The following PLA2G5 variants were observed in gnomAD, a reference collection of about 807,000 sequenced individuals.
PLA2G5 encodes the protein phospholipase A2 group V, also known as Ca2+-dependent phospholipase A2.
In PLA2G5, 12 loss-of-function variants were observed where a neutral mutation model predicts 15.9. The observed-to-expected ratio is 0.76, with a 90% CI of 0.48 to 1.23. The LOEUF (loss-of-function observed/expected upper bound fraction) is 1.23, where lower values mean the gene tolerates loss of function less well. Ranked by LOEUF, PLA2G5 falls within the 50% of genes most tolerant of loss-of-function variation. The probability of loss-of-function intolerance (pLI) is 0.00; values close to 1 mark genes in which losing one functional copy is unlikely to be tolerated. For synonymous variants in PLA2G5, 71 were observed against 71.4 expected (o/e 0.99, Z 0.03); for missense variants, 169 against 177.1 (o/e 0.95, Z 0.26).
chr1:20,085,615 A>ATG (rs2016247870), intron 2 of PLA2G5, among the ~76,000 whole-genome samples: 2 of 152,104 alleles, frequency 1.3e-5, no homozygotes, highest in Non-Finnish European at 2.9e-5. Context: ...GGGAAGAGGG[A>ATG]TGTATTGCCA....
At chr1:20,051,747 G>A (rs979056559) in intron 1 of PLA2G5, among the ~76,000 whole-genome samples, 4 of 152,158 alleles carry the variant, frequency 2.6e-5, no homozygotes, top group Admixed American at 2.6e-4. Context: ...GAGTTATGGA[G>A]CCAATAAAAG....
intron 1 of PLA2G5, among the ~76,000 whole-genome samples, chr1:20,049,123 A>G (rs1321290317): frequency 6.6e-6 from 1 of 152,172 alleles, no homozygotes; most frequent in South Asian, 2.1e-4. Flanking sequence ...GCTTAAAGAT[A>G]CATAATTTTA....
At chr1:20,038,930 G>T (rs1460734972) in intron 1 of PLA2G5, among the ~76,000 whole-genome samples, 2 of 152,206 alleles carry the variant, frequency 1.3e-5, no homozygotes, top group African/African-American at 2.4e-5. Flanking sequence ...CACAATGGGG[G>T]TAACAGCTGA....
At chr1:20,072,107 AAAAT>A (rs913748858) in intron 1 of PLA2G5, among the ~76,000 whole-genome samples, 6 of 152,040 alleles carry the variant, frequency 3.9e-5, no homozygotes, top group Non-Finnish European at 8.8e-5. Context: ...AGATGTCTCA[AAAAT>A]AAATAAATAA....
intron 1 of PLA2G5, among the ~76,000 whole-genome samples, chr1:20,056,842 C>A (rs1397949241): frequency 2.6e-5 from 4 of 151,976 alleles, no homozygotes; most frequent in African/African-American, 7.3e-5. Context: ...ACTATCTGGG[C>A]CTAATAGTTT....
chr1:20,043,790 G>A (rs1271857725), intron 1 of PLA2G5, among the ~76,000 whole-genome samples: 2 of 152,172 alleles, frequency 1.3e-5, no homozygotes, highest in East Asian at 1.9e-4. Context: ...AGTTATGGGG[G>A]CAAGGGAAAC....
intron 1 of PLA2G5, among the ~76,000 whole-genome samples, chr1:20,052,872 T>G (rs2014244852): frequency 6.6e-6 from 1 of 152,176 alleles, no homozygotes; most frequent in South Asian, 2.1e-4. Flanking sequence ...TTGCCTCCTT[T>G]AGAGAGGCTA....
chr1:20,044,420 T>C (rs2013786201), intron 1 of PLA2G5, among the ~76,000 whole-genome samples: 1 of 152,184 alleles, frequency 6.6e-6, no homozygotes, highest in Non-Finnish European at 1.5e-5. Flanking sequence ...ATTTAATGTC[T>C]GGAGCAGATT....
At chr1:20,048,940 G>A (rs372773834) in intron 1 of PLA2G5, among the ~76,000 whole-genome samples, 9 of 152,004 alleles carry the variant, frequency 5.9e-5, no homozygotes, top group African/African-American at 1.7e-4. Context: ...AAATATATTC[G>A]TAGGAAGACA....
At chr1:20,043,522 C>T (rs1011925857) in intron 1 of PLA2G5, among the ~76,000 whole-genome samples, 1 of 151,944 alleles carries the variant, frequency 6.6e-6, no homozygotes, top group Non-Finnish European at 1.5e-5. Context: ...TGTCCCATAT[C>T]TGTGGGTTAA....
At chr1:20,041,421 A>G (rs1201711341) in intron 1 of PLA2G5, among the ~76,000 whole-genome samples, 2 of 152,134 alleles carry the variant, frequency 1.3e-5, no homozygotes, top group Non-Finnish European at 2.9e-5. Flanking sequence ...TAGGATTTGG[A>G]TAGGTAGTGG....
At chr1:20,063,893 T>C (rs1302090685) in intron 2 of PLA2G5, among the ~76,000 whole-genome samples, 1 of 152,234 alleles carries the variant, frequency 6.6e-6, no homozygotes, top group African/African-American at 2.4e-5. Context: ...GTTTGCCACC[T>C]GCTTAAGACT....
chr1:20,033,287 C>T (rs547148337), intron 1 of PLA2G5, among the ~76,000 whole-genome samples: 2 of 152,166 alleles, frequency 1.3e-5, no homozygotes, highest in African/African-American at 4.8e-5. Context: ...TGCAAAAGGG[C>T]TTGCAAAATG....
At position 20,037,359 on chromosome 1, in the gene PLA2G5, C is replaced by T. The variant is rs555443706; in HGVS notation, n.276+8650C>T. Among the ~76,000 whole-genome samples, 6 of 152,296 alleles carry T rather than the reference C, an allele frequency of 3.9e-5. No homozygotes were observed. The East Asian group carries it at 1.2e-3, about 29-fold the overall frequency. On this transcript the variant is annotated intron_variant and non_coding_transcript_variant, in intron 1 of 6. Transcript: ENST00000460175. ...CTAGCCATCCAGCAGAGCTCCTGGG[C>T]TGTGGGCTGGTACTGGGGAACGCCT...
At chr1:20,028,845 G>A (rs754476558) in intron 1 of PLA2G5, 5 of 152,288 alleles carry the variant, frequency 3.3e-5, no homozygotes, top group Non-Finnish European at 7.3e-5. Context: ...CATACCCCTT[G>A]CAGGGTGTGC....
rs541745884 is a variant in PLA2G5 at position 20,072,141 on chromosome 1, A to G, written c.-11+1676A>G. 6.6e-5 allele frequency among the ~76,000 whole-genome samples: 10 copies of G among 152,076 alleles called. No individual in the cohort carries two copies. The East Asian group carries it at 1.7e-3, about 27-fold the overall frequency. On this transcript the variant is annotated intron_variant, in intron 1 of 4. Coordinates refer to ENST00000375108, the MANE Select transcript of PLA2G5 (RefSeq NM_000929.3). Reference sequence around the variant, plus strand: ...AAATAAAGTGGCCACTCCCACCATCAACAGTCCCCGTCCCCATCCCCAAAC... The same window carrying G: ...AAATAAAGTGGCCACTCCCACCATCGACAGTCCCCGTCCCCATCCCCAAAC...
chr1:20,044,819 T>G (rs2013806286), intron 1 of PLA2G5, among the ~76,000 whole-genome samples: 1 of 151,398 alleles, frequency 6.6e-6, no homozygotes. Context: ...TGGAGCAGTC[T>G]AGGGAGGAGG....
rs2016479019 is a variant in PLA2G5 at position 20,089,835 on chromosome 1, G to A, written c.232G>A (p.Gly78Ser). The A allele has an allele frequency of 6.2e-7, 1 of 1,614,186 alleles. No individual in the cohort carries two copies. The highest frequency in any genetic ancestry group is 1.3e-5 in the African/African-American group (1 of 75,066). The part of the protein sequence containing the change: ...DHCYGRLEEK[G>S]CNIRTQSYKY... ...CTGCTATGGGCGGCTGGAGGAGAAG[G>A]GCTGCAACATTCGCACACAGTCCTA... The change falls in exon 4 of 5, where the codon GGC becomes AGC. Residue 78 changes from glycine to serine, a missense_variant. Transcript: ENST00000375108.
At chr1:20,054,329 C>T (rs891667591) in intron 1 of PLA2G5, among the ~76,000 whole-genome samples, 5 of 152,214 alleles carry the variant, frequency 3.3e-5, no homozygotes, top group African/African-American at 1.2e-4. Flanking sequence ...GGTGAACTCA[C>T]TGGAGGTCCC....
Sources: gnomAD v4.1 joint callset for allele counts (sites outside exome capture counted in the v4.1 genomes callset) on GRCh38, gnomAD v4.1.1 for gene constraint, MANE v1.5 for transcripts, NCBI Gene and HGNC (gene_info 2026-07-23, HGNC 2026-07-21) for gene names.